The following ACVR1C variants were observed in gnomAD, a reference collection of about 807,000 sequenced individuals.
The protein encoded by ACVR1C is activin receptor type-1C.
In ACVR1C, 23 loss-of-function variants were observed where a neutral mutation model predicts 57.9. That is an observed-to-expected ratio of 0.40 (90% CI 0.29 to 0.56). The LOEUF (loss-of-function observed/expected upper bound fraction) is 0.56. Ranked by LOEUF, ACVR1C falls within the 20% of genes least tolerant of loss-of-function variation. The probability of loss-of-function intolerance (pLI) is 0.50; values close to 1 mark genes in which losing one functional copy is unlikely to be tolerated. For synonymous variants in ACVR1C, 214 were observed against 215.3 expected (o/e 0.99, Z 0.05); for missense variants, 480 against 607.9 (o/e 0.79, Z 2.21).
At chr2:157,560,764 C>A (rs1374235074) in intron 2 of ACVR1C, among the ~76,000 whole-genome samples, 2 of 152,156 alleles carry the variant, frequency 1.3e-5, no homozygotes, top group Non-Finnish European at 2.9e-5. Context: ...GCTATTTCTC[C>A]CCAGTTTGCA....
intron 1 of ACVR1C, among the ~76,000 whole-genome samples, chr2:157,627,089 T>A (rs529972384): frequency 2.6e-5 from 4 of 152,312 alleles, no homozygotes; most frequent in Non-Finnish European, 5.9e-5. Context: ...TTTAAAAAAA[T>A]TGAATCTGTT....
At chr2:157,543,027 T>C (rs548182200) in intron 5 of ACVR1C, among the ~76,000 whole-genome samples, 165 bp from the exon 6 acceptor site, 1 of 152,314 alleles carries the variant, frequency 6.6e-6, no homozygotes, top group Admixed American at 6.5e-5. Flanking sequence ...TGCTGAATCA[T>C]CTGTCTCTCC....
chr2:157,596,473 C>G (rs1324225139), intron 1 of ACVR1C, among the ~76,000 whole-genome samples: 2 of 152,136 alleles, frequency 1.3e-5, no homozygotes, highest in African/African-American at 2.4e-5. Flanking sequence ...AAATATTACT[C>G]CGTGGAGTTT....
At chr2:157,624,351 G>A (rs756288306) in intron 1 of ACVR1C, among the ~76,000 whole-genome samples, 5 of 151,990 alleles carry the variant, frequency 3.3e-5, no homozygotes, top group Non-Finnish European at 5.9e-5. Context: ...CCTTATTTAC[G>A]GCAAGAGATG....
At chr2:157,589,739 C>T (rs561572120) in intron 1 of ACVR1C, among the ~76,000 whole-genome samples, 2 of 151,998 alleles carry the variant, frequency 1.3e-5, no homozygotes, top group East Asian at 3.9e-4. Context: ...GCAAAAAGCA[C>T]AAATCTGGAG....
At chr2:157,591,046 C>T (rs990834932) in intron 1 of ACVR1C, among the ~76,000 whole-genome samples, 2 of 151,992 alleles carry the variant, frequency 1.3e-5, no homozygotes, top group Non-Finnish European at 2.9e-5. Context: ...GACTATCTCT[C>T]CTACTACCGA....
intron 1 of ACVR1C, chr2:157,597,465 G>C: frequency 2.0e-6 from 2 of 985,428 alleles, no homozygotes; most frequent in South Asian, 4.7e-5. Flanking sequence ...TGCGGTCGCC[G>C]GGATGCCCCA....
intron 2 of ACVR1C, among the ~76,000 whole-genome samples, chr2:157,575,444 T>C (rs1325997114): frequency 6.6e-6 from 1 of 152,174 alleles, no homozygotes; most frequent in Non-Finnish European, 1.5e-5. Flanking sequence ...AATTCCTTTA[T>C]TTTTTGTAGA....
intron 1 of ACVR1C, among the ~76,000 whole-genome samples, chr2:157,598,502 T>C (rs1012338316): frequency 6.6e-6 from 1 of 151,686 alleles, no homozygotes. Context: ...TGGATAAACA[T>C]AATTGTATTT....
intron 2 of ACVR1C, among the ~76,000 whole-genome samples, chr2:157,586,152 C>T (rs1366175814): frequency 2.0e-5 from 3 of 152,014 alleles, no homozygotes; most frequent in Non-Finnish European, 4.4e-5. Context: ...ATGCAAAATA[C>T]CTAACTGAAA....
intron 1 of ACVR1C, among the ~76,000 whole-genome samples, chr2:157,607,386 T>C (rs1682426270): frequency 6.6e-6 from 1 of 151,640 alleles, no homozygotes; most frequent in African/African-American, 2.4e-5. Flanking sequence ...CAATATGTTT[T>C]GAAGTCAGTT....
chr2:157,608,523 T>G (rs1205504384), intron 1 of ACVR1C, among the ~76,000 whole-genome samples: 1 of 151,954 alleles, frequency 6.6e-6, no homozygotes, highest in African/African-American at 2.4e-5. Flanking sequence ...AATTTCCTGC[T>G]CTTCCATTTT....
Position 157,543,480 on chromosome 2 carries a change from T to G in ACVR1C, c.944-618A>C, listed in dbSNP as rs145007974. Among the ~76,000 whole-genome samples, 618 of 152,352 alleles carry G rather than the reference T, an allele frequency of 4.1e-3. 2 individuals are homozygous for G. Among genetic ancestry groups the G allele is most frequent in the African/African-American group, 0.014 (589 of 41,586 alleles). ...TTGTATTAGAAAAAAAGTTGTTATA[T>G]TTAAAATATTTATGTTAACATTTAA... On this transcript the variant is annotated intron_variant, in intron 5 of 8. Transcript: ENST00000243349.
At chr2:157,557,527 C>T (rs1573918429) in intron 2 of ACVR1C, among the ~76,000 whole-genome samples, 1 of 152,078 alleles carries the variant, frequency 6.6e-6, no homozygotes, top group African/African-American at 2.4e-5. Flanking sequence ...TTATTGATTA[C>T]CCAATTCCCT....
intron 8 of ACVR1C, among the ~76,000 whole-genome samples, chr2:157,535,645 T>G (rs190021654): frequency 6.6e-6 from 1 of 152,156 alleles, no homozygotes; most frequent in African/African-American, 2.4e-5. Context: ...CTGGCCAACA[T>G]AGTGGTGCAT....
At chr2:157,601,224 T>C (rs1012085200) in intron 1 of ACVR1C, among the ~76,000 whole-genome samples, 10 of 151,686 alleles carry the variant, frequency 6.6e-5, no homozygotes, top group Non-Finnish European at 1.2e-4. Flanking sequence ...GGCTGAGGCA[T>C]GAGAATCACT....
chr2:157,597,750 A>G lies in ACVR1C; in HGVS notation c.74-10333T>C, dbSNP rs370137133. 1.3e-4 allele frequency among the ~76,000 whole-genome samples: 20 copies of G among 152,296 alleles called. No individual in the cohort carries two copies. In the East Asian group the frequency reaches 3.5e-3, roughly 26 times the overall value. ...CACTCTCGATTTTCTGTTATTTGAA[A>G]TTTTAAAATAAAATGCCTTGTCTAG... On this transcript the variant is annotated intron_variant, in intron 1 of 8. Transcript: ENST00000243349.
At chr2:157,624,016 C>G (rs1051792491) in intron 1 of ACVR1C, among the ~76,000 whole-genome samples, 3 of 151,952 alleles carry the variant, frequency 2.0e-5, no homozygotes, top group African/African-American at 7.3e-5. Flanking sequence ...TTCTCTTGTT[C>G]TATTATTTAT....
At chr2:157,574,732 T>C (rs1688602837) in intron 2 of ACVR1C, among the ~76,000 whole-genome samples, 1 of 152,152 alleles carries the variant, frequency 6.6e-6, no homozygotes, top group Non-Finnish European at 1.5e-5. Flanking sequence ...GGAAACCAAA[T>C]AAATCAATTG....
Sources: allele counts gnomAD v4.1 joint callset (sites outside exome capture counted in the v4.1 genomes callset), GRCh38; gene constraint gnomAD v4.1.1; transcripts MANE v1.5; gene names NCBI Gene and HGNC (gene_info 2026-07-23, HGNC 2026-07-21).